Variants in NEMP2 observed in about 807,000 individuals in gnomAD.
NEMP2 encodes the protein UPF0571 transmembrane protein.
A neutral mutation model predicts 54.2 loss-of-function variants in NEMP2; 53 were observed. The observed-to-expected ratio is 0.98, with a 90% CI of 0.78 to 1.23. The LOEUF (loss-of-function observed/expected upper bound fraction) is 1.23, where lower values mean the gene tolerates loss of function less well. NEMP2 is among the 50% of genes most tolerant of loss of function. NEMP2 has a pLI of 0.00. For missense variants in NEMP2, 455 were observed against 511.3 expected (o/e 0.89, Z 1.06); for synonymous variants, 197 against 190.3 (o/e 1.04, Z -0.29).
rs1463787755 is a variant in NEMP2, at chr2:190,533,637, G to C, written c.97+922C>G. On this transcript the variant is annotated intron_variant, in intron 1 of 8. Transcript: ENST00000409150. This position sits in a 1 kb window ranked among gnomAD's most constrained non-coding sequence, Gnocchi z 4.3. Reference sequence around the variant, plus strand: ...CATTCATCCTTAGATAAAAAACCGCGGTATAACCGGAGGGAGGGCCATGCC... The same window carrying C: ...CATTCATCCTTAGATAAAAAACCGCCGTATAACCGGAGGGAGGGCCATGCC... Among the ~76,000 whole-genome samples, 1 of 152,016 alleles carries C rather than the reference G, an allele frequency of 6.6e-6. No homozygotes were observed. Among genetic ancestry groups the C allele is most frequent in the East Asian group, 1.9e-4 (1 of 5,182 alleles).
the NEMP2 span, among the ~76,000 whole-genome samples, chr2:190,586,043 T>C: frequency 6.6e-6 from 1 of 152,168 alleles, no homozygotes; most frequent in Non-Finnish European, 1.5e-5. The surrounding 1 kb of genome is among the most constrained non-coding windows in gnomAD (Gnocchi z 4.5). Flanking sequence ...CTAAGCTTGG[T>C]GAGGTTTTTC....
In NEMP2 at chr2:190,533,708, C is replaced by A. The variant is rs2125357652; in HGVS notation, c.97+851G>T. Among the ~76,000 whole-genome samples, 1 of 151,778 alleles carries A rather than the reference C, an allele frequency of 6.6e-6. No individual in the cohort carries two copies. The highest frequency in any genetic ancestry group is 1.9e-4 in the East Asian group (1 of 5,168). On this transcript the variant is annotated intron_variant, in intron 1 of 8. Coordinates refer to ENST00000409150, the MANE Select transcript of NEMP2 (RefSeq NM_001142645.2). The surrounding 1 kb of genome is among the most constrained non-coding windows in gnomAD (Gnocchi z 4.3). ...GCAGCCTCCCTTGAAACCAGGGTAGCCAAAGCAAGGAAGGGAAGTTGGTAG... is the reference window on the plus strand; with the variant it reads ...GCAGCCTCCCTTGAAACCAGGGTAGACAAAGCAAGGAAGGGAAGTTGGTAG...
the NEMP2 span, among the ~76,000 whole-genome samples, chr2:190,455,926 T>A: frequency 7.0e-6 from 1 of 143,566 alleles, no homozygotes; most frequent in African/African-American, 2.5e-5. Context: ...GTAATTGTAT[T>A]TACTCTGCTT....
In NEMP2 at chr2:190,504,877, A is replaced by G. The variant is rs1300288141; in HGVS notation, c.*4312T>C. The G allele has an allele frequency of 6.6e-6, 1 of 152,254 alleles. No individual in the cohort carries two copies. Among genetic ancestry groups the G allele is most frequent in the East Asian group, 1.9e-4 (1 of 5,198 alleles). 9.4% of individuals were successfully genotyped at this position (152,254 alleles called of 1,614,324 possible). A position where few individuals can be genotyped will look rare whatever the true frequency, so the allele number is the denominator to read the frequency against. On this transcript the variant is annotated 3_prime_UTR_variant, in exon 9 of 9. Transcript: ENST00000409150. This position sits in a 1 kb window ranked among gnomAD's most constrained non-coding sequence, Gnocchi z 5.6. ...CAAACTACTGCTGGTATGTGACAACATAGAAATTAGACATTTCAAAATATG... is the reference window on the plus strand; with the variant it reads ...CAAACTACTGCTGGTATGTGACAACGTAGAAATTAGACATTTCAAAATATG...
the NEMP2 span, among the ~76,000 whole-genome samples, chr2:190,434,914 C>T: frequency 6.6e-6 from 1 of 152,170 alleles, no homozygotes; most frequent in Non-Finnish European, 1.5e-5. The surrounding 1 kb of genome is among the most constrained non-coding windows in gnomAD (Gnocchi z 4.3). Flanking sequence ...ATGAGCTCTT[C>T]CTCCTGTCAG....
chr2:190,646,820 A>G, the NEMP2 span: 11 of 152,320 alleles, frequency 7.2e-5, no homozygotes, highest in Middle Eastern at 0.017. Flanking sequence ...GTTTCTTCCA[A>G]CTCTGGAAAC....
rs1691258526 is a variant in NEMP2 at position 190,533,996 on chromosome 2, T to G, written c.97+563A>C. 1 of 985,220 alleles carries G rather than the reference T, an allele frequency of 1.0e-6. No homozygotes were observed. The highest frequency in any genetic ancestry group is 1.2e-6 in the Non-Finnish European group (1 of 829,944). The allele number at this position is 985,220 out of a possible 1,614,324, so 61.0% of individuals were successfully genotyped here. Reference sequence around the variant, plus strand: ...GTGCACACGAACACCACAAGAACCTTGTGAGGCCTCATTACCTGCCGCTCA... The same window carrying G: ...GTGCACACGAACACCACAAGAACCTGGTGAGGCCTCATTACCTGCCGCTCA... On this transcript the variant is annotated intron_variant, in intron 1 of 8. Coordinates refer to ENST00000409150, the MANE Select transcript of NEMP2 (RefSeq NM_001142645.2). The surrounding 1 kb of genome is among the most constrained non-coding windows in gnomAD (Gnocchi z 4.3).
chr2:190,481,281 CTTTT>C, the NEMP2 span, among the ~76,000 whole-genome samples: 3 of 152,286 alleles, frequency 2.0e-5, no homozygotes, highest in East Asian at 5.8e-4. Context: ...CAGTTATAGA[CTTTT>C]TTTAAGCAAC....
chr2:190,458,531 T>G, the NEMP2 span, among the ~76,000 whole-genome samples: 14 of 152,290 alleles, frequency 9.2e-5, no homozygotes, highest in African/African-American at 3.1e-4. The surrounding 1 kb of genome is among the most constrained non-coding windows in gnomAD (Gnocchi z 5.3). Flanking sequence ...GTGGTATTTG[T>G]TACAGCAGCC....
chr2:190,457,998 A>G, the NEMP2 span, among the ~76,000 whole-genome samples: 2 of 152,248 alleles, frequency 1.3e-5, no homozygotes, highest in Non-Finnish European at 2.9e-5. This position sits in a 1 kb window ranked among gnomAD's most constrained non-coding sequence, Gnocchi z 5.1. Flanking sequence ...ACAAAATGCG[A>G]AGAGTCCTCC....
chr2:190,567,673 G>A, the NEMP2 span, among the ~76,000 whole-genome samples: 2 of 152,192 alleles, frequency 1.3e-5, no homozygotes, highest in South Asian at 2.1e-4. This position sits in a 1 kb window ranked among gnomAD's most constrained non-coding sequence, Gnocchi z 4.0. Flanking sequence ...TTATTGAGAT[G>A]GAGTCTCGCT....
At chr2:190,494,045 C>T in the NEMP2 span, among the ~76,000 whole-genome samples, 1 of 151,012 alleles carries the variant, frequency 6.6e-6, no homozygotes, top group African/African-American at 2.4e-5. This position sits in a 1 kb window ranked among gnomAD's most constrained non-coding sequence, Gnocchi z 5.7. Flanking sequence ...AAAAAAAATA[C>T]AAAAAATAAA....
the NEMP2 span, among the ~76,000 whole-genome samples, chr2:190,590,539 CCTT>C: frequency 6.6e-6 from 1 of 152,168 alleles, no homozygotes; most frequent in Non-Finnish European, 1.5e-5. The surrounding 1 kb of genome is among the most constrained non-coding windows in gnomAD (Gnocchi z 5.1). Flanking sequence ...TCTTCCCTCA[CCTT>C]CTCCTGATCA....
the NEMP2 span, among the ~76,000 whole-genome samples, chr2:190,614,168 C>A: frequency 6.6e-6 from 1 of 152,102 alleles, no homozygotes; most frequent in Non-Finnish European, 1.5e-5. The surrounding 1 kb of genome is among the most constrained non-coding windows in gnomAD (Gnocchi z 5.7). Flanking sequence ...TTAACTGGAT[C>A]TTTGAGCTCT....
At chr2:190,459,425 A>T in the NEMP2 span, among the ~76,000 whole-genome samples, 1 of 152,228 alleles carries the variant, frequency 6.6e-6, no homozygotes, top group African/African-American at 2.4e-5. The surrounding 1 kb of genome is among the most constrained non-coding windows in gnomAD (Gnocchi z 5.3). Context: ...TGTTTGTGTC[A>T]TATGTATACC....
chr2:190,575,284 A>G, the NEMP2 span, among the ~76,000 whole-genome samples: 1 of 152,104 alleles, frequency 6.6e-6, no homozygotes, highest in African/African-American at 2.4e-5. Context: ...TTTTTAATTC[A>G]AAGCTCAAAT....
At chr2:190,435,820 T>C in the NEMP2 span, 2 of 610,998 alleles carry the variant, frequency 3.3e-6, no homozygotes, top group East Asian at 6.0e-5. Flanking sequence ...CTATTTTTCC[T>C]TACCGGTATT....
the NEMP2 span, among the ~76,000 whole-genome samples, chr2:190,555,675 G>A: frequency 1.2e-4 from 18 of 152,196 alleles, no homozygotes; most frequent in East Asian, 2.3e-3. The surrounding 1 kb of genome is among the most constrained non-coding windows in gnomAD (Gnocchi z 4.8). Context: ...CTTTGTGAAA[G>A]ATCAACTCTA....
the NEMP2 span, among the ~76,000 whole-genome samples, chr2:190,484,300 A>C: frequency 6.6e-6 from 1 of 152,322 alleles, no homozygotes; most frequent in South Asian, 2.1e-4. Flanking sequence ...AAAATTTGTA[A>C]TTCTAGTGTA....
Sources: allele counts gnomAD v4.1 joint callset (sites outside exome capture counted in the v4.1 genomes callset), GRCh38; gene constraint gnomAD v4.1.1; non-coding constraint Gnocchi (gnomAD v3.1); transcripts MANE v1.5; gene names NCBI Gene and HGNC (gene_info 2026-07-23, HGNC 2026-07-21).